The following ADAMTSL3 variants were observed in gnomAD, a reference collection of about 807,000 sequenced individuals.
ADAMTSL3 encodes the protein ADAMTS like 3.
In ADAMTSL3, 128 loss-of-function variants were observed where a neutral mutation model predicts 201.7. That is an observed-to-expected ratio of 0.63 (90% CI 0.55 to 0.73). The LOEUF (loss-of-function observed/expected upper bound fraction) is 0.73. ADAMTSL3 is among the 30% of genes least tolerant of loss of function. ADAMTSL3 has a pLI of 0.00. For synonymous variants in ADAMTSL3, 738 were observed against 748.4 expected (o/e 0.99, Z 0.23); for missense variants, 1,990 against 2,119.6 (o/e 0.94, Z 1.20).
chr15:83,937,917 C>T (rs1335714180), intron 17 of ADAMTSL3, among the ~76,000 whole-genome samples: 1 of 150,742 alleles, frequency 6.6e-6, no homozygotes, highest in South Asian at 2.1e-4. Flanking sequence ...AAATAATAGG[C>T]TGGATAACTA....
rs2066583044 is a variant in ADAMTSL3 at position 83,942,667 on chromosome 15, G to A, written c.2189G>A (p.Cys730Tyr). ...GGAATTCAGACCCGAGATGTGTACT[G>A]CCTGCACCCAGGGGAGACCCCTGCC... ...GVGIQTRDVY[C>Y]LHPGETPAPP... is the part of the protein sequence containing the mutation. The change falls in exon 18 of 30, where the codon TGC becomes TAC. Residue 730 changes from cysteine to tyrosine, a missense_variant. Cys to Tyr is a radical substitution (Grantham distance 194, BLOSUM62 -2). Coordinates refer to ENST00000286744, the MANE Select transcript of ADAMTSL3 (RefSeq NM_207517.3). The A allele has an allele frequency of 1.2e-6, 2 of 1,614,118 alleles. No individual in the cohort carries two copies. The highest frequency in any genetic ancestry group is 1.7e-5 in the Admixed American group (1 of 60,030).
intron 6 of ADAMTSL3, among the ~76,000 whole-genome samples, chr15:83,829,041 A>G (rs2064091857): frequency 2.0e-5 from 3 of 152,336 alleles, no homozygotes; most frequent in East Asian, 1.9e-4. Context: ...CTGGCCTCAT[A>G]AAATGAGTTA....
At chr15:83,782,974 T>C (rs1210776727) in intron 4 of ADAMTSL3, among the ~76,000 whole-genome samples, 1 of 130,962 alleles carries the variant, frequency 7.6e-6, no homozygotes, top group African/African-American at 2.5e-5. Context: ...ACATATATTA[T>C]ATATATACAT....
At chr15:83,969,181 C>T (rs142949352) in intron 19 of ADAMTSL3, among the ~76,000 whole-genome samples, 80 of 152,284 alleles carry the variant, frequency 5.3e-4, no homozygotes, top group Middle Eastern at 3.4e-3. Flanking sequence ...CGTGGCTTCT[C>T]ACGCCTATAA....
chr15:83,842,454 C>T (rs28612730), intron 7 of ADAMTSL3, among the ~76,000 whole-genome samples: 48,448 of 151,826 alleles, frequency 0.32, 8,413 homozygotes, highest in East Asian at 0.56. Flanking sequence ...ATAACCTGCC[C>T]GTCTGCATGC....
At chr15:83,925,194 C>T (rs2066224900) in intron 17 of ADAMTSL3, among the ~76,000 whole-genome samples, 1 of 152,126 alleles carries the variant, frequency 6.6e-6, no homozygotes, top group African/African-American at 2.4e-5. Flanking sequence ...TGGAGATGGG[C>T]ACCCCTTCCT....
At chr15:83,791,802 A>G (rs1381869015) in intron 4 of ADAMTSL3, among the ~76,000 whole-genome samples, 1 of 151,610 alleles carries the variant, frequency 6.6e-6, no homozygotes, top group Non-Finnish European at 1.5e-5. Context: ...TGAGCTTACT[A>G]TGAGCTGAGA....
intron 2 of ADAMTSL3, among the ~76,000 whole-genome samples, chr15:83,699,099 T>G (rs1010211382): frequency 2.0e-5 from 3 of 152,040 alleles, no homozygotes; most frequent in Non-Finnish European, 4.4e-5. Context: ...GTTGTAAATA[T>G]ATGTAAATAT....
intron 4 of ADAMTSL3, among the ~76,000 whole-genome samples, chr15:83,783,030 T>A (rs1295703146): frequency 6.8e-6 from 1 of 147,622 alleles, no homozygotes; most frequent in East Asian, 1.9e-4. Context: ...TACGTATATA[T>A]TATATATATA....
chr15:83,722,046 T>A (rs1252122353), intron 3 of ADAMTSL3, among the ~76,000 whole-genome samples: 1 of 152,150 alleles, frequency 6.6e-6, no homozygotes, highest in African/African-American at 2.4e-5. Context: ...TTTATGTTTT[T>A]AAGAGGACAT....
chr15:83,832,047 C>G (rs917516671), intron 6 of ADAMTSL3, among the ~76,000 whole-genome samples: 1 of 152,070 alleles, frequency 6.6e-6, no homozygotes, highest in African/African-American at 2.4e-5. Context: ...AGGAGGGACA[C>G]CTTTTCCCTT....
intron 8 of ADAMTSL3, among the ~76,000 whole-genome samples, chr15:83,863,103 C>T (rs913058223): frequency 6.6e-6 from 1 of 152,204 alleles, no homozygotes; most frequent in Non-Finnish European, 1.5e-5. Context: ...AATACAGGAA[C>T]ACCCAGATTC....
chr15:84,027,939 TA>T (rs1317253051), intron 27 of ADAMTSL3, among the ~76,000 whole-genome samples: 2 of 152,188 alleles, frequency 1.3e-5, no homozygotes, highest in African/African-American at 4.8e-5. Flanking sequence ...TGATATATGC[TA>T]CAATAGAGCT....
intron 1 of ADAMTSL3, among the ~76,000 whole-genome samples, chr15:83,655,436 C>T (rs2061067455): frequency 6.6e-6 from 1 of 152,144 alleles, no homozygotes; most frequent in Admixed American, 6.5e-5. Flanking sequence ...AATAGCGACA[C>T]CCTGCTGCTG....
intron 8 of ADAMTSL3, among the ~76,000 whole-genome samples, chr15:83,865,357 A>G (rs893189780): frequency 7.9e-5 from 12 of 152,330 alleles, no homozygotes; most frequent in African/African-American, 2.9e-4. Flanking sequence ...ACCTGACTTC[A>G]AGCTATACTA....
chr15:83,794,404 C>T (rs2063391341), intron 4 of ADAMTSL3, among the ~76,000 whole-genome samples: 1 of 152,184 alleles, frequency 6.6e-6, no homozygotes, highest in South Asian at 2.1e-4. Context: ...TGGAAACAAT[C>T]CCAATGCCCT....
chr15:83,836,134 A>G (rs1193611611), intron 6 of ADAMTSL3, among the ~76,000 whole-genome samples: 1 of 152,252 alleles, frequency 6.6e-6, no homozygotes, highest in African/African-American at 2.4e-5. Flanking sequence ...TTATAAAATC[A>G]TATAATCAGG....
chr15:83,667,135 T>C (rs969428348), intron 2 of ADAMTSL3, among the ~76,000 whole-genome samples: 2 of 152,142 alleles, frequency 1.3e-5, no homozygotes, highest in African/African-American at 4.8e-5. Flanking sequence ...AGAAAATATA[T>C]GGATATCTAT....
Position 83,793,312 on chromosome 15 carries a change from G to T in ADAMTSL3, c.318-11338G>T, listed in dbSNP as rs145645254. 5.3e-3 allele frequency among the ~76,000 whole-genome samples: 803 copies of T among 152,288 alleles called. 10 individuals carry two copies. The highest frequency in any genetic ancestry group is 0.019 in the African/African-American group (771 of 41,570). On this transcript the variant is annotated intron_variant, in intron 4 of 29. Transcript: ENST00000286744. ...TTAATATATTGTATTATTGAAAATT[G>T]CTGAGACCGGATGTTAAGTATTATC...
Sources: allele counts gnomAD v4.1 joint callset (sites outside exome capture counted in the v4.1 genomes callset), GRCh38; gene constraint gnomAD v4.1.1; transcripts MANE v1.5; gene names NCBI Gene and HGNC (gene_info 2026-07-23, HGNC 2026-07-21).